GFRA1: variants seen among roughly 807,000 people sequenced by gnomAD.
GFRA1 encodes the protein GDNF family receptor alpha-1.
In GFRA1, 16 loss-of-function variants were observed where a neutral mutation model predicts 51.6. The ratio of observed to expected loss-of-function variants is 0.31; its 90% confidence interval spans 0.21 to 0.47. The LOEUF (loss-of-function observed/expected upper bound fraction) is 0.47. Ranked by LOEUF, GFRA1 falls within the 20% of genes least tolerant of loss-of-function variation. The probability of loss-of-function intolerance (pLI) is 1.00; values close to 1 mark genes in which losing one functional copy is unlikely to be tolerated. For synonymous variants in GFRA1, 270 were observed against 241.3 expected, an observed-to-expected ratio of 1.12 and a Z score of -1.10; for missense variants, 530 against 594.3, an observed-to-expected ratio of 0.89 and a Z score of 1.13.
chr10:116,152,173 C>T (rs1031893307), intron 5 of GFRA1, among the ~76,000 whole-genome samples: 2 of 152,126 alleles, frequency 1.3e-5, no homozygotes, highest in Non-Finnish European at 2.9e-5. Context: ...TGGGAAATCA[C>T]GATTCGATTC....
intron 5 of GFRA1, among the ~76,000 whole-genome samples, chr10:116,135,450 A>T (rs1958283717): frequency 6.6e-6 from 1 of 152,176 alleles, no homozygotes; most frequent in Non-Finnish European, 1.5e-5. Context: ...TGAAAACCGA[A>T]TCAAGTTTGT....
chr10:116,090,417 T>C (rs959075231), intron 8 of GFRA1, among the ~76,000 whole-genome samples: 1 of 116,924 alleles, frequency 8.6e-6, no homozygotes, highest in Non-Finnish European at 1.8e-5. Context: ...GCAGGCAAAA[T>C]GGAACCAGTT....
intron 5 of GFRA1, among the ~76,000 whole-genome samples, chr10:116,194,042 A>AAAT (rs1963509595): frequency 8.5e-6 from 1 of 117,054 alleles, no homozygotes; most frequent in African/African-American, 3.6e-5. Flanking sequence ...CCGTCTCAAT[A>AAAT]AAAAAAAATA....
At chr10:116,179,352 A>T (rs2420247) in intron 5 of GFRA1, among the ~76,000 whole-genome samples, 1 of 152,166 alleles carries the variant, frequency 6.6e-6, no homozygotes. Flanking sequence ...TGAGGACAGT[A>T]TAAGTATTTG....
intron 5 of GFRA1, among the ~76,000 whole-genome samples, chr10:116,190,749 C>T (rs1298537423): frequency 2.0e-5 from 3 of 152,222 alleles, no homozygotes; most frequent in Non-Finnish European, 4.4e-5. Context: ...CTAGATCTGT[C>T]TCTGTCTAAG....
chr10:116,197,630 T>C (rs1345686654), intron 5 of GFRA1, among the ~76,000 whole-genome samples: 1 of 152,150 alleles, frequency 6.6e-6, no homozygotes, highest in Non-Finnish European at 1.5e-5. Flanking sequence ...ACTAACCCTA[T>C]TTCCAAATGA....
At chr10:116,186,018 AG>A (rs1349335444) in intron 5 of GFRA1, among the ~76,000 whole-genome samples, 1 of 152,100 alleles carries the variant, frequency 6.6e-6, no homozygotes, top group Admixed American at 6.5e-5. Flanking sequence ...TTTGGGAGGT[AG>A]GGGGGTAGTA....
chr10:116,092,096 T>TACACGTACACACACAC (rs1956366965), intron 8 of GFRA1, among the ~76,000 whole-genome samples: 2 of 138,110 alleles, frequency 1.4e-5, no homozygotes, highest in African/African-American at 5.3e-5. Context: ...CATACATACG[T>TACACGTACACACACAC]ACACACACAC....
At chr10:116,160,949 C>T (rs146590267) in intron 5 of GFRA1, among the ~76,000 whole-genome samples, 118 of 152,290 alleles carry the variant, frequency 7.7e-4, no homozygotes, top group African/African-American at 2.6e-3. Flanking sequence ...CAAAGGAAAT[C>T]CATGCAAAAG....
At chr10:116,171,209 G>T (rs1445402625) in intron 5 of GFRA1, among the ~76,000 whole-genome samples, 1 of 152,192 alleles carries the variant, frequency 6.6e-6, no homozygotes, top group African/African-American at 2.4e-5. Context: ...CTAGGAAAAT[G>T]AATGTTAATT....
chr10:116,088,920 C>CAAAA (rs58590152), intron 9 of GFRA1, among the ~76,000 whole-genome samples: 15 of 49,048 alleles, frequency 3.1e-4, no homozygotes, highest in African/African-American at 6.2e-4. Context: ...GACTCTGTCT[C>CAAAA]AAAAAAAAAA....
intron 6 of GFRA1, among the ~76,000 whole-genome samples, chr10:116,099,052 T>C (rs1956717120): frequency 6.6e-6 from 1 of 152,184 alleles, no homozygotes; most frequent in Non-Finnish European, 1.5e-5. Context: ...CCACGTTTTA[T>C]CACATTTGAC....
Position 116,062,278 on chromosome 10 carries a change from C to G in GFRA1, c.*2120G>C, listed in dbSNP as rs1035739376. 5.0e-6 allele frequency: 2 copies of G among 396,782 alleles called. No individual in the cohort carries two copies. The highest frequency in any genetic ancestry group is 8.9e-6 in the Non-Finnish European group (2 of 225,378). The allele number at this position is 396,782 out of a possible 1,614,324, so 24.6% of individuals were successfully genotyped here. A position where few individuals can be genotyped will look rare whatever the true frequency, so the allele number is the denominator to read the frequency against. On this transcript the variant is annotated 3_prime_UTR_variant, in exon 11 of 11. Transcript: ENST00000355422. ...TACCTTAATGAAAACAAAATACACT[C>G]TGTAAGAGATATGCGCTCATAGATA...
intron 5 of GFRA1, among the ~76,000 whole-genome samples, chr10:116,170,758 T>C (rs920986519): frequency 2.0e-5 from 3 of 152,208 alleles, no homozygotes; most frequent in African/African-American, 4.8e-5. Flanking sequence ...TGTAAACCTA[T>C]TGGTTCATAA....
In GFRA1 at chr10:116,062,182, C is replaced by CAGT. The variant is rs1468599657; in HGVS notation, c.*2213_*2215dup. 7.5e-6 allele frequency: 3 copies of CAGT among 398,374 alleles called. No homozygotes were observed. The highest frequency in any genetic ancestry group is 1.3e-5 in the Non-Finnish European group (3 of 226,004). 24.7% of individuals were successfully genotyped at this position (398,374 alleles called of 1,614,324 possible). A position where few individuals can be genotyped will look rare whatever the true frequency, so the allele number is the denominator to read the frequency against. On this transcript the variant is annotated 3_prime_UTR_variant, in exon 11 of 11. Transcript: ENST00000355422. The stretch of plus-strand genomic sequence containing the variant: ...GAGCTGCTGTTACTGCAGAAGTAAT[C>CAGT]AGTAGCTTTCTACAGTGGATCACAT...
At chr10:116,179,093 C>T (rs1389782672) in intron 5 of GFRA1, among the ~76,000 whole-genome samples, 3 of 152,140 alleles carry the variant, frequency 2.0e-5, no homozygotes, top group African/African-American at 7.2e-5. Flanking sequence ...CCCTCAGCAA[C>T]GTATAGTCCA....
intron 5 of GFRA1, among the ~76,000 whole-genome samples, chr10:116,147,316 G>A (rs1409081628): frequency 6.6e-6 from 1 of 152,158 alleles, no homozygotes; most frequent in Non-Finnish European, 1.5e-5. Flanking sequence ...GGGGAGGGGA[G>A]TAGTAGGAGG....
rs138468202 is a variant in GFRA1, at chr10:116,101,894, C to T, written c.771-5130G>A. On this transcript the variant is annotated intron_variant, in intron 6 of 10. Coordinates refer to ENST00000355422, the MANE Select transcript of GFRA1 (RefSeq NM_005264.8). Reference sequence around the variant, plus strand: ...TTTAAGCTCCTAGCTTTCCCTTCCACCTCAGAAATACAGTCTATGGAATGC... The same window carrying T: ...TTTAAGCTCCTAGCTTTCCCTTCCATCTCAGAAATACAGTCTATGGAATGC... Among the ~76,000 whole-genome samples, 35 of 152,300 alleles carry T rather than the reference C, an allele frequency of 2.3e-4. 1 individual carries two copies. The East Asian group carries it at 6.6e-3, about 29-fold the overall frequency.
At chr10:116,270,523 G>A (rs1422748625) in intron 3 of GFRA1, among the ~76,000 whole-genome samples, 1 of 152,168 alleles carries the variant, frequency 6.6e-6, no homozygotes, top group Non-Finnish European at 1.5e-5. Flanking sequence ...GGGTTCCTTG[G>A]GGCCCTTTAG....
Sources: allele counts gnomAD v4.1 joint callset (sites outside exome capture counted in the v4.1 genomes callset), GRCh38; gene constraint gnomAD v4.1.1; transcripts MANE v1.5; gene names NCBI Gene and HGNC (gene_info 2026-07-23, HGNC 2026-07-21).